MGAT5: variants seen among roughly 807,000 people sequenced by gnomAD.
MGAT5 encodes the protein alpha-1,6-mannosylglycoprotein 6-beta-N-acetylglucosaminyltransferase A.
MGAT5 carries 30 observed loss-of-function variants against 94.3 expected under a neutral mutation model. That is an observed-to-expected ratio of 0.32 (90% CI 0.24 to 0.43). The LOEUF is 0.43. Among genes scored for constraint, MGAT5 ranks in the 20% least tolerant of loss-of-function variants. The pLI, the probability that MGAT5 is intolerant of heterozygous loss-of-function variation, is 1.00. For synonymous variants in MGAT5, 310 were observed against 322.9 expected (o/e 0.96, Z 0.43); for missense variants, 691 against 905.5 (o/e 0.76, Z 3.04).
chr2:134,344,679 C>G (rs1688820277), intron 7 of MGAT5, among the ~76,000 whole-genome samples: 1 of 152,052 alleles, frequency 6.6e-6, no homozygotes, highest in South Asian at 2.1e-4. Flanking sequence ...GAGTCAGACC[C>G]ATATCTTCCT....
At chr2:134,137,795 C>T (rs957570384) in intron 1 of MGAT5, among the ~76,000 whole-genome samples, 15 of 151,528 alleles carry the variant, frequency 9.9e-5, no homozygotes, top group African/African-American at 3.4e-4. Context: ...ATTATTGAGG[C>T]AGTTACATTA....
At chr2:134,410,624 AT>A (rs1683594286) in intron 11 of MGAT5, among the ~76,000 whole-genome samples, 1 of 152,250 alleles carries the variant, frequency 6.6e-6, no homozygotes, top group African/African-American at 2.4e-5. Flanking sequence ...ATTCAAGTCC[AT>A]TAAGCAACAG....
chr2:134,252,119 T>C (rs1300836936), upstream of MGAT5, among the ~76,000 whole-genome samples: 1 of 152,144 alleles, frequency 6.6e-6, no homozygotes, highest in Non-Finnish European at 1.5e-5. Context: ...GTTGTAAGAC[T>C]AGGAAAGGAA....
chr2:134,325,554 G>A (rs959125122), intron 4 of MGAT5, among the ~76,000 whole-genome samples: 2 of 151,996 alleles, frequency 1.3e-5, no homozygotes, highest in Non-Finnish European at 2.9e-5. Flanking sequence ...GTTTCAATGT[G>A]TATCTCTAAA....
At chr2:134,294,514 A>G (rs765811665) in intron 2 of MGAT5, among the ~76,000 whole-genome samples, 3 of 152,168 alleles carry the variant, frequency 2.0e-5, no homozygotes, top group Non-Finnish European at 4.4e-5. Flanking sequence ...GGGGATTTGT[A>G]GTTGTGAATG....
At chr2:134,249,792 G>GT (rs1259844406), upstream of MGAT5, among the ~76,000 whole-genome samples, 1 of 152,228 alleles carries the variant, frequency 6.6e-6, no homozygotes, top group African/African-American at 2.4e-5. Flanking sequence ...AAGCAGAATT[G>GT]TTTGGATCAT....
intron 1 of MGAT5, among the ~76,000 whole-genome samples, chr2:134,223,967 A>G (rs12621203): frequency 0.048 from 7,249 of 152,084 alleles, 284 homozygotes; most frequent in African/African-American, 0.099. Context: ...TGGAGAACTC[A>G]GGTAAATTTG....
Position 134,349,787 on chromosome 2 carries a change from A to G in MGAT5, c.1113-18A>G. The G allele has an allele frequency of 6.2e-7, 1 of 1,612,640 alleles. No individual in the cohort carries two copies. The highest frequency in any genetic ancestry group is 1.1e-5 in the South Asian group (1 of 91,054). On this transcript the variant is annotated intron_variant, in intron 8 of 15. Coordinates refer to ENST00000281923, the MANE Select transcript of MGAT5 (RefSeq NM_002410.5). ...GGGGCAAGTATGTAGTGTTCAACAC[A>G]TTGCTTTTTTCTTTCAGGTGCATGC...
intron 1 of MGAT5, among the ~76,000 whole-genome samples, chr2:134,232,699 C>T (rs1022436013): frequency 2.6e-5 from 4 of 151,996 alleles, no homozygotes; most frequent in Admixed American, 6.6e-5. Flanking sequence ...TTTTAATGCC[C>T]ATTTTTCTTG....
At chr2:134,267,873 G>A (rs1056152448) in intron 1 of MGAT5, among the ~76,000 whole-genome samples, 4 of 152,198 alleles carry the variant, frequency 2.6e-5, no homozygotes, top group Non-Finnish European at 5.9e-5. Flanking sequence ...CATTCAGTAG[G>A]CATTTCCTAT....
At chr2:134,292,041 T>C (rs776535647) in intron 2 of MGAT5, among the ~76,000 whole-genome samples, 10 of 152,172 alleles carry the variant, frequency 6.6e-5, no homozygotes. Context: ...TTTTTTTGTT[T>C]AGAGATGGGC....
At position 134,166,005 on chromosome 2, in the gene MGAT5, G is replaced by A. The variant is rs537570259; in HGVS notation, c.-143+45714G>A. ...TGATAACTTGCCTGAGGCTCCTAGT[G>A]TCTCGGCACATAGCAGGTTCTCACT... On this transcript the variant is annotated intron_variant, in intron 1 of 16. Transcript: ENST00000409645. Among the ~76,000 whole-genome samples the A allele has an allele frequency of 3.3e-5, 5 of 152,300 alleles. No individual in the cohort carries two copies. In the South Asian group the frequency reaches 8.3e-4, roughly 25 times the overall value.
At chr2:134,184,057 C>T (rs911247621) in intron 1 of MGAT5, among the ~76,000 whole-genome samples, 6 of 152,170 alleles carry the variant, frequency 3.9e-5, no homozygotes, top group African/African-American at 1.2e-4. Flanking sequence ...TTCTAGCCAT[C>T]GTCTCTAATT....
intron 1 of MGAT5, chr2:134,120,350 G>A: frequency 2.6e-6 from 1 of 386,552 alleles, no homozygotes; most frequent in Non-Finnish European, 4.6e-6. Flanking sequence ...CCCGCGGGGT[G>A]ATGCGCGCAG....
intron 9 of MGAT5, among the ~76,000 whole-genome samples, chr2:134,354,124 C>A (rs1293045778): frequency 6.6e-6 from 1 of 152,084 alleles, no homozygotes. Flanking sequence ...CTATTTATTT[C>A]TTGTTAATTT....
chr2:134,269,580 T>C (rs1236971058), intron 1 of MGAT5, among the ~76,000 whole-genome samples: 1 of 152,226 alleles, frequency 6.6e-6, no homozygotes, highest in Non-Finnish European at 1.5e-5. Context: ...TCTAAGCTTA[T>C]CTTTTCTTTT....
At chr2:134,374,879 G>T (rs1228828773) in intron 10 of MGAT5, among the ~76,000 whole-genome samples, 1 of 152,196 alleles carries the variant, frequency 6.6e-6, no homozygotes, top group Non-Finnish European at 1.5e-5. Flanking sequence ...TGTGGTCCCA[G>T]CTACTCGGGA....
In MGAT5 at chr2:134,439,911, G is replaced by A. The variant is rs140421581; in HGVS notation, c.1870-1847G>A. 2.8e-4 allele frequency among the ~76,000 whole-genome samples: 43 copies of A among 152,182 alleles called. No individual in the cohort carries two copies. In the East Asian group the frequency reaches 7.7e-3, roughly 27 times the overall value. ...GGACAGAAACATTTCCTCGGCTTGC[G>A]TCAGTGCTAGGAGCCCTGGGCCCTG... On this transcript the variant is annotated intron_variant, in intron 14 of 15. Coordinates refer to ENST00000281923, the MANE Select transcript of MGAT5 (RefSeq NM_002410.5).
chr2:134,343,684 A>T (rs1273568055), intron 7 of MGAT5, among the ~76,000 whole-genome samples: 1 of 152,206 alleles, frequency 6.6e-6, no homozygotes, highest in African/African-American at 2.4e-5. Context: ...TAATTTCATT[A>T]TACAGACAAG....
Sources: gnomAD v4.1 joint callset for allele counts (sites outside exome capture counted in the v4.1 genomes callset) on GRCh38, gnomAD v4.1.1 for gene constraint, MANE v1.5 for transcripts, NCBI Gene and HGNC (gene_info 2026-07-23, HGNC 2026-07-21) for gene names.